Variants in PLEK observed in about 807,000 individuals in gnomAD.
The protein encoded by PLEK is pleckstrin.
A neutral mutation model predicts 43.9 loss-of-function variants in PLEK; 25 were observed. The ratio of observed to expected loss-of-function variants is 0.57; its 90% CI spans 0.41 to 0.79. The LOEUF (loss-of-function observed/expected upper bound fraction) is 0.79, where lower values mean the gene tolerates loss of function less well. PLEK is among the 30% of genes least tolerant of loss of function. The pLI, the probability that PLEK is intolerant of heterozygous loss-of-function variation, is 0.00. For missense variants in PLEK, 396 were observed against 413.3 expected (o/e 0.96, Z 0.36); for synonymous variants, 152 against 144.4 (o/e 1.05, Z -0.38).
intron 1 of PLEK, among the ~76,000 whole-genome samples, chr2:68,376,995 A>G (rs533108595): frequency 6.6e-6 from 1 of 152,026 alleles, no homozygotes; most frequent in South Asian, 2.1e-4. Context: ...TGATTTTTAG[A>G]TCTCACAGAT....
At chr2:68,383,995 G>A (rs1016338684) in intron 4 of PLEK, among the ~76,000 whole-genome samples, 1 of 152,142 alleles carries the variant, frequency 6.6e-6, no homozygotes, top group Non-Finnish European at 1.5e-5. Flanking sequence ...AACAAGGGAA[G>A]TTCCCAACTC....
At chr2:68,386,468 G>T in intron 4 of PLEK, 34 bp from the exon 5 acceptor site, 8 of 1,571,376 alleles carry the variant, frequency 5.1e-6, no homozygotes, top group Non-Finnish European at 7.0e-6. Context: ...CTTCGGTAAG[G>T]AGAGTTAACC....
chr2:68,388,766 C>T (rs539989141), intron 6 of PLEK, among the ~76,000 whole-genome samples: 6 of 152,018 alleles, frequency 3.9e-5, no homozygotes, highest in African/African-American at 9.6e-5. Context: ...AAAATATGGC[C>T]GGAGGAGATA....
chr2:68,367,718 A>T (rs1408228279), intron 1 of PLEK, among the ~76,000 whole-genome samples: 1 of 152,226 alleles, frequency 6.6e-6, no homozygotes, highest in Non-Finnish European at 1.5e-5. Flanking sequence ...GGCCTCCCCT[A>T]GATGTTAATG....
chr2:68,391,404 C>T (rs375925332), intron 6 of PLEK, among the ~76,000 whole-genome samples: 1 of 152,090 alleles, frequency 6.6e-6, no homozygotes, highest in Non-Finnish European at 1.5e-5. Context: ...ACTTTAGTGT[C>T]GTTATTCTGA....
chr2:68,379,784 G>T (rs1172461803), intron 1 of PLEK, among the ~76,000 whole-genome samples: 1 of 152,098 alleles, frequency 6.6e-6, no homozygotes, highest in Non-Finnish European at 1.5e-5. Context: ...TTTGGGAAAT[G>T]ATCTTCTTTT....
rs754534773 is a variant in PLEK, at chr2:68,380,804, C to T, written c.280C>T (p.Arg94Trp). The change falls in exon 3 of 9, where the codon CGG (arginine) becomes TGG (tryptophan). Residue 94 changes from arginine to tryptophan, a missense_variant. Transcript: ENST00000234313. ...CCTGGAGGAGAGAGATGCCTGGGTT[C>T]GGGATATCAAGAAGGCCATTAAATG... ...AFLEERDAWV[R>W]DIKKAIKCIE... 32 of 1,613,652 alleles carry T rather than the reference C, an allele frequency of 2.0e-5. 1 individual carries two copies. Among genetic ancestry groups the T allele is most frequent in the Middle Eastern group, 3.3e-4 (2 of 6,078 alleles).
chr2:68,370,360 C>T (rs1278414129), intron 1 of PLEK, among the ~76,000 whole-genome samples: 1 of 152,186 alleles, frequency 6.6e-6, no homozygotes, highest in Non-Finnish European at 1.5e-5. Context: ...TGGGTGTACA[C>T]AAGAAGGCAC....
intron 4 of PLEK, among the ~76,000 whole-genome samples, chr2:68,385,714 A>C (rs1393264665): frequency 6.6e-6 from 1 of 152,010 alleles, no homozygotes; most frequent in Non-Finnish European, 1.5e-5. Flanking sequence ...GCAAACGCCT[A>C]CTCATATTTT....
chr2:68,375,378 A>G (rs6757666), intron 1 of PLEK, among the ~76,000 whole-genome samples: 80,186 of 152,062 alleles, frequency 0.53, 22,686 homozygotes, highest in East Asian at 0.76. Context: ...AAATAGGATT[A>G]TTTGTACTTT....
At chr2:68,381,286 A>G (rs1262959910) in intron 3 of PLEK, among the ~76,000 whole-genome samples, 1 of 152,212 alleles carries the variant, frequency 6.6e-6, no homozygotes, top group Non-Finnish European at 1.5e-5. Context: ...TTCAAGTTCA[A>G]GTTCATTCAT....
intron 1 of PLEK, among the ~76,000 whole-genome samples, chr2:68,372,177 A>ATTTTTTT (rs57326035): frequency 6.7e-6 from 1 of 148,358 alleles, no homozygotes; most frequent in African/African-American, 2.5e-5. Flanking sequence ...AGAGAAGTTC[A>ATTTTTTT]TTTTTTTTTT....
chr2:68,369,897 C>T (rs918843884), intron 1 of PLEK, among the ~76,000 whole-genome samples: 10 of 152,182 alleles, frequency 6.6e-5, no homozygotes, highest in African/African-American at 2.4e-4. Flanking sequence ...AATTTTCCAA[C>T]CTGGAAGAGT....
chr2:68,369,204 A>G (rs182815838), intron 1 of PLEK, among the ~76,000 whole-genome samples: 1 of 152,324 alleles, frequency 6.6e-6, no homozygotes, highest in Admixed American at 6.5e-5. Flanking sequence ...ACTCAACAAA[A>G]TGGGGACAAT....
chr2:68,383,818 CA>C (rs1673681627), intron 4 of PLEK, among the ~76,000 whole-genome samples: 1 of 152,114 alleles, frequency 6.6e-6, no homozygotes, highest in Non-Finnish European at 1.5e-5. Flanking sequence ...TGGTCCAGGT[CA>C]GGATCAGCAA....
chr2:68,386,485 G>A lies in PLEK; in HGVS notation c.473-17G>A. On this transcript the variant is annotated splice_polypyrimidine_tract_variant and intron_variant, in intron 4 of 8. Transcript: ENST00000234313. Reference sequence around the variant, plus strand: ...TCGGTAAGGAGAGTTAACCTTCCCTGTGCTGGTCCCATCTAGGTAACTGCG... The same window carrying A: ...TCGGTAAGGAGAGTTAACCTTCCCTATGCTGGTCCCATCTAGGTAACTGCG... 2 of 1,609,204 alleles carry A rather than the reference G, an allele frequency of 1.2e-6. No individual in the cohort carries two copies. The highest frequency in any genetic ancestry group is 1.1e-5 in the South Asian group (1 of 90,844).
intron 6 of PLEK, among the ~76,000 whole-genome samples, chr2:68,389,331 A>T (rs1015968099): frequency 1.3e-5 from 2 of 152,260 alleles, no homozygotes; most frequent in Non-Finnish European, 2.9e-5. Flanking sequence ...TCCTGGCTGC[A>T]CTGTGAGCTG....
At chr2:68,386,169 G>A (rs1673738086) in intron 4 of PLEK, among the ~76,000 whole-genome samples, 1 of 150,582 alleles carries the variant, frequency 6.6e-6, no homozygotes. Flanking sequence ...GTCTTGTTAT[G>A]TTGCCTGGGC....
At chr2:68,384,817 A>G (rs1317156827) in intron 4 of PLEK, among the ~76,000 whole-genome samples, 2 of 152,206 alleles carry the variant, frequency 1.3e-5, no homozygotes, top group Non-Finnish European at 2.9e-5. Context: ...GATCACTCAG[A>G]TTCCCTGAGC....
Sources: allele counts gnomAD v4.1 joint callset (sites outside exome capture counted in the v4.1 genomes callset), GRCh38; gene constraint gnomAD v4.1.1; transcripts MANE v1.5; gene names NCBI Gene and HGNC (gene_info 2026-07-23, HGNC 2026-07-21).